Variants in ASGR1 observed in about 807,000 individuals in gnomAD.
The protein encoded by ASGR1 is C-type lectin domain family 4 member H1.
Under a neutral mutation model 33.1 loss-of-function variants are expected in ASGR1, and 35 were observed. That is an observed-to-expected ratio of 1.06 (90% CI 0.81 to 1.40). The LOEUF is 1.40. ASGR1 is among the 40% of genes most tolerant of loss of function. The pLI is 0.00. For synonymous variants in ASGR1, 142 were observed against 152.5 expected (o/e 0.93, Z 0.51); for missense variants, 396 against 373.7 (o/e 1.06, Z -0.49).
rs1176161814 is a variant in ASGR1 at position 7,174,249 on chromosome 17, G to A, written c.483C>T (p.His161=). ...RTCCPVNWVE[H]ERSCYWFSRS... is the part of the protein sequence containing the mutation. Reference sequence around the variant, plus strand: ...GAGAGAACCAGTAGCAGCTGCGCTCGTGCTCCACCCAGTTGACCGGGCAGC... The same window carrying A: ...GAGAGAACCAGTAGCAGCTGCGCTCATGCTCCACCCAGTTGACCGGGCAGC... Residue 161 remains histidine (H), a synonymous_variant, in exon 7 of 9, where the codon CAC becomes CAT. Coordinates refer to ENST00000269299, the MANE Select transcript of ASGR1 (RefSeq NM_001671.5). 6.2e-7 allele frequency: 1 copy of A among 1,614,160 alleles called. No homozygotes were observed. Among genetic ancestry groups the A allele is most frequent in the South Asian group, 1.1e-5 (1 of 91,084 alleles).
At chr17:7,178,354 C>A in intron 2 of ASGR1, 140 bp downstream of exon 2, 1 of 897,238 alleles carries the variant, frequency 1.1e-6, no homozygotes, top group South Asian at 1.5e-5. Context: ...AGAGGCAGTT[C>A]CGACACCTTT....
At chr17:7,176,145 T>G (rs1443092980) in intron 5 of ASGR1, among the ~76,000 whole-genome samples, 1 of 135,412 alleles carries the variant, frequency 7.4e-6, no homozygotes, top group Non-Finnish European at 1.6e-5. Context: ...CACACCCATC[T>G]CATTCTCACA....
chr17:7,178,844 C>G (rs969854039), intron 1 of ASGR1: 7 of 294,360 alleles, frequency 2.4e-5, no homozygotes, highest in Non-Finnish European at 3.1e-5. Context: ...TCAAGCGGTT[C>G]TCCTGCCTCA....
At chr17:7,176,187 TCACA>T (rs200274457) in intron 5 of ASGR1, among the ~76,000 whole-genome samples, 146 of 125,180 alleles carry the variant, frequency 1.2e-3, no homozygotes, top group Non-Finnish European at 1.5e-3. Context: ...ATTCTCACAC[TCACA>T]CACACCCCAT....
chr17:7,176,579 GACTC>G (rs1366058311), intron 5 of ASGR1: 14 of 511,046 alleles, frequency 2.7e-5, no homozygotes, highest in Admixed American at 1.8e-4. Context: ...CTCACACACA[GACTC>G]ACACACACTC....
chr17:7,175,933 C>T (rs193120607), intron 5 of ASGR1, among the ~76,000 whole-genome samples: 32 of 139,246 alleles, frequency 2.3e-4, no homozygotes, highest in Admixed American at 9.4e-4. Context: ...CCTCTCATTC[C>T]CCCACACACG....
Position 7,173,504 on chromosome 17 carries a change from C to T in ASGR1, c.*155G>A. 2 of 1,057,432 alleles carry T rather than the reference C, an allele frequency of 1.9e-6. No homozygotes were observed. Among genetic ancestry groups the T allele is most frequent in the Non-Finnish European group, 2.7e-6 (2 of 751,208 alleles). The allele number at this position is 1,057,432 out of a possible 1,614,324, so 65.5% of individuals were successfully genotyped here. On this transcript the variant is annotated 3_prime_UTR_variant, in exon 9 of 9. Coordinates refer to ENST00000269299, the MANE Select transcript of ASGR1 (RefSeq NM_001671.5). This position sits in a 1 kb window ranked among gnomAD's most constrained non-coding sequence, Gnocchi z 4.7. ...AACCTGCAAACTGCAGAAAGCGCCA[C>T]GGGTTTCAAGCTCCTCACCTTCGGA...
rs1431861629 is a variant in ASGR1, at chr17:7,176,828, A to C, written c.355+2T>G. 6.2e-7 allele frequency: 1 copy of C among 1,607,192 alleles called. No individual in the cohort carries two copies. Among genetic ancestry groups the C allele is most frequent in the Non-Finnish European group, 8.5e-7 (1 of 1,179,426 alleles). On this transcript the variant is annotated splice_donor_variant, in intron 5 of 8. Transcript: ENST00000269299. LOFTEE classifies it high-confidence loss of function. The stretch of plus-strand genomic sequence containing the variant: ...CACACACACACACACTCCCTCTCTG[A>C]CCTTCACTCAGGTCCTTCTGCTGTT...
At position 7,173,455 on chromosome 17, in the gene ASGR1, T is replaced by TAA. The variant is rs59892576; in HGVS notation, c.*202_*203dup. ...GTTTAGGTATATTTCTTTTTACTCTTAAAAAAAAAAAGTTCACAATGATAA... is the reference window on the plus strand; with the variant it reads ...GTTTAGGTATATTTCTTTTTACTCTTAAAAAAAAAAAAAGTTCACAATGATAA... On this transcript the variant is annotated 3_prime_UTR_variant, in exon 9 of 9. Coordinates refer to ENST00000269299, the MANE Select transcript of ASGR1 (RefSeq NM_001671.5). The surrounding 1 kb of genome is among the most constrained non-coding windows in gnomAD (Gnocchi z 4.7). 0.05 allele frequency: 24,095 copies of TAA among 480,110 alleles called. 3 individuals are homozygous for TAA. Among genetic ancestry groups the TAA allele is most frequent in the Middle Eastern group, 0.082 (136 of 1,668 alleles). 29.7% of individuals were successfully genotyped at this position (480,110 alleles called of 1,614,324 possible).
chr17:7,176,764 A>G, intron 5 of ASGR1, 66 bp downstream of exon 5: 1 of 1,576,646 alleles, frequency 6.3e-7, no homozygotes, highest in Non-Finnish European at 8.6e-7. Flanking sequence ...ACACTTTCTC[A>G]CACACATCCA....
chr17:7,176,441 TCACA>T (rs576186807), intron 5 of ASGR1, among the ~76,000 whole-genome samples: 29 of 139,498 alleles, frequency 2.1e-4, no homozygotes, highest in Admixed American at 4.2e-4. Flanking sequence ...TCTCACACTC[TCACA>T]CACACTCCCT....
intron 1 of ASGR1, 179 bp from the exon 2 acceptor site, chr17:7,178,767 T>C: frequency 2.0e-6 from 1 of 487,848 alleles, no homozygotes; most frequent in East Asian, 3.4e-5. Context: ...AGAGGGAGTC[T>C]TGCTCTGTCC....
chr17:7,175,845 C>A (rs1356367364), intron 5 of ASGR1, among the ~76,000 whole-genome samples: 1 of 131,194 alleles, frequency 7.6e-6, no homozygotes, highest in Non-Finnish European at 1.6e-5. Context: ...ACACCCATCT[C>A]ATTCTCACAC....
Position 7,176,800 on chromosome 17 carries a change from A to T in ASGR1, c.355+30T>A, listed in dbSNP as rs199943436. The T allele has an allele frequency of 6.6e-3, 10,587 of 1,592,846 alleles. 73 individuals carry two copies. The highest frequency in any genetic ancestry group is 0.032 in the South Asian group (2,860 of 89,414). ...CACATTCTCACTCTCTTTCACACAC[A>T]CACACACACACACACACTCCCTCTC... On this transcript the variant is annotated intron_variant, in intron 5 of 8. Coordinates refer to ENST00000269299, the MANE Select transcript of ASGR1 (RefSeq NM_001671.5).
rs763061772 is a variant in ASGR1 at position 7,177,279 on chromosome 17, G to A, written c.118C>T (p.Arg40Cys). ...AGGCCCAGGGAGAGCAGGAGGAGGC[G>A]AGGTCCGGAGCAGAGACGCTGCAGG... ...PLLQRLCSGP[R>C]LLLLSLGLSL... Residue 40 changes from arginine to cysteine, a missense_variant, in exon 3 of 9, where the codon CGC (arginine) becomes TGC (cysteine). Physicochemically the swap from Arg to Cys is radical, Grantham distance 180 (BLOSUM62 -3). Coordinates refer to ENST00000269299, the MANE Select transcript of ASGR1 (RefSeq NM_001671.5). The A allele has an allele frequency of 6.2e-7, 1 of 1,613,736 alleles. No individual in the cohort carries two copies. The highest frequency in any genetic ancestry group is 2.2e-5 in the East Asian group (1 of 44,814).
intron 2 of ASGR1, chr17:7,177,697 G>C (rs1329060878): frequency 4.4e-6 from 1 of 226,084 alleles, no homozygotes; most frequent in Non-Finnish European, 8.8e-6. Flanking sequence ...TGAAAGTGGG[G>C]AAAGAAGGAA....
At chr17:7,175,621 TAA>T (rs2069189337) in intron 5 of ASGR1, among the ~76,000 whole-genome samples, 1 of 148,948 alleles carries the variant, frequency 6.7e-6, no homozygotes, top group Admixed American at 6.7e-5. Flanking sequence ...CGCAACACAC[TAA>T]CACACACGTT....
At chr17:7,175,797 A>ACTCCCT (rs577893413) in intron 5 of ASGR1, among the ~76,000 whole-genome samples, 192 of 147,592 alleles carry the variant, frequency 1.3e-3, no homozygotes, top group Non-Finnish European at 2.2e-3. Context: ...ACACACACAC[A>ACTCCCT]CTCCCTCTCA....
At chr17:7,175,316 A>C in intron 5 of ASGR1, among the ~76,000 whole-genome samples, 1 of 133,546 alleles carries the variant, frequency 7.5e-6, no homozygotes, top group Non-Finnish European at 1.5e-5. Context: ...ACACACCTTC[A>C]CCCACGACAC....
Sources: allele counts gnomAD v4.1 joint callset (sites outside exome capture counted in the v4.1 genomes callset), GRCh38; gene constraint gnomAD v4.1.1; non-coding constraint Gnocchi (gnomAD v3.1); transcripts MANE v1.5; gene names NCBI Gene and HGNC (gene_info 2026-07-23, HGNC 2026-07-21).